The following GRIP1 variants were observed in gnomAD, a reference collection of about 807,000 sequenced individuals.
GRIP1 encodes the protein glutamate receptor interacting protein 1, also known as glutamate receptor-interacting protein 1.
A neutral mutation model predicts 129.9 loss-of-function variants in GRIP1; 45 were observed. The observed-to-expected ratio is 0.35, with a 90% CI of 0.27 to 0.44. The LOEUF (loss-of-function observed/expected upper bound fraction) is 0.44, where lower values mean the gene tolerates loss of function less well. Among genes scored for constraint, GRIP1 ranks in the 20% least tolerant of loss-of-function variants. The pLI, the probability that GRIP1 is intolerant of heterozygous loss-of-function variation, is 1.00. For missense variants in GRIP1, 1,196 were observed against 1,396.8 expected, an observed-to-expected ratio of 0.86 and a Z score of 2.29; for synonymous variants, 530 against 520.8, an observed-to-expected ratio of 1.02 and a Z score of -0.24.
At chr12:66,637,868 A>G (rs1375024786) in intron 1 of GRIP1, among the ~76,000 whole-genome samples, 1 of 152,214 alleles carries the variant, frequency 6.6e-6, no homozygotes, top group Non-Finnish European at 1.5e-5. Context: ...ACAGATAACT[A>G]AGCAAGCAAA....
chr12:66,917,889 T>C (rs2041151254), intron 1 of GRIP1, among the ~76,000 whole-genome samples: 1 of 151,756 alleles, frequency 6.6e-6, no homozygotes, highest in African/African-American at 2.4e-5. Context: ...GAACCAAAAC[T>C]ACTGAGTCCT....
intron 16 of GRIP1, among the ~76,000 whole-genome samples, chr12:66,395,399 A>G (rs1259113123): frequency 6.6e-6 from 1 of 152,200 alleles, no homozygotes; most frequent in Non-Finnish European, 1.5e-5. Context: ...GTCAGACTAC[A>G]TCCTAGTGAA....
chr12:67,056,011 G>C (rs1472805388), intron 1 of GRIP1, among the ~76,000 whole-genome samples: 1 of 152,170 alleles, frequency 6.6e-6, no homozygotes, highest in Non-Finnish European at 1.5e-5. Context: ...AAGAAGGTGA[G>C]GGGGAAGTTA....
chr12:66,562,673 T>C (rs1436058765), intron 2 of GRIP1, among the ~76,000 whole-genome samples: 2 of 152,132 alleles, frequency 1.3e-5, no homozygotes, highest in South Asian at 2.1e-4. Context: ...TCTGGCATTA[T>C]GTATCTTTGT....
chr12:66,664,105 A>ATT (rs199723782), intron 1 of GRIP1, among the ~76,000 whole-genome samples: 30 of 146,484 alleles, frequency 2.0e-4, no homozygotes, highest in South Asian at 6.5e-4. Context: ...GGGAGATTAC[A>ATT]TTTTTTTTTT....
intron 1 of GRIP1, among the ~76,000 whole-genome samples, chr12:66,856,285 G>A (rs1261841368): frequency 2.6e-5 from 4 of 151,980 alleles, no homozygotes; most frequent in South Asian, 2.1e-4. Context: ...GAAAACCTAG[G>A]CAATACCATT....
chr12:66,831,667 T>C (rs746451431), intron 1 of GRIP1, among the ~76,000 whole-genome samples: 14 of 152,228 alleles, frequency 9.2e-5, no homozygotes, highest in Non-Finnish European at 1.8e-4. Context: ...ATGGAAATGG[T>C]AGAATCATAT....
At chr12:66,720,398 T>C (rs2036022651) in intron 1 of GRIP1, among the ~76,000 whole-genome samples, 1 of 152,092 alleles carries the variant, frequency 6.6e-6, no homozygotes, top group Admixed American at 6.5e-5. Flanking sequence ...TGGTGACTGC[T>C]GAAGGTTGGG....
chr12:66,873,896 G>GTT (rs996508089), intron 1 of GRIP1, among the ~76,000 whole-genome samples: 1 of 152,064 alleles, frequency 6.6e-6, no homozygotes, highest in Non-Finnish European at 1.5e-5. Context: ...TTGCAGCTGA[G>GTT]TTTTCCCTTG....
chr12:66,467,264 G>A (rs2059312023), intron 7 of GRIP1, among the ~76,000 whole-genome samples: 1 of 152,132 alleles, frequency 6.6e-6, no homozygotes, highest in South Asian at 2.1e-4. Context: ...AGATCCTATG[G>A]TTGATTTGCC....
chr12:66,432,299 T>C (rs1050564981), intron 14 of GRIP1, among the ~76,000 whole-genome samples: 6 of 152,098 alleles, frequency 3.9e-5, no homozygotes, highest in Non-Finnish European at 8.8e-5. Flanking sequence ...ATTAAAACAA[T>C]CCTATATTTT....
intron 1 of GRIP1, among the ~76,000 whole-genome samples, chr12:66,917,779 A>C (rs2041149060): frequency 6.6e-6 from 1 of 152,182 alleles, no homozygotes; most frequent in South Asian, 2.1e-4. Context: ...ATTCTAGAGA[A>C]CATTAAACTG....
intron 1 of GRIP1, among the ~76,000 whole-genome samples, chr12:66,740,295 C>T (rs2036747662): frequency 6.6e-6 from 1 of 152,210 alleles, no homozygotes. Flanking sequence ...TTGCCTTCCT[C>T]AGCTGGATCT....
At chr12:66,860,662 A>G (rs2040095788) in intron 1 of GRIP1, among the ~76,000 whole-genome samples, 2 of 151,932 alleles carry the variant, frequency 1.3e-5, no homozygotes, top group African/African-American at 2.4e-5. Context: ...GGCTCTCAAC[A>G]CCTGCTTTAC....
chr12:66,946,172 G>A (rs1445388071), intron 1 of GRIP1, among the ~76,000 whole-genome samples: 1 of 152,100 alleles, frequency 6.6e-6, no homozygotes, highest in African/African-American at 2.4e-5. Flanking sequence ...CATTCCACCT[G>A]GGTCCCTCAC....
intron 1 of GRIP1, among the ~76,000 whole-genome samples, chr12:66,867,737 T>C (rs1254007033): frequency 6.6e-6 from 1 of 152,162 alleles, no homozygotes; most frequent in Non-Finnish European, 1.5e-5. Flanking sequence ...TAATTAAAAA[T>C]AAATGCACCA....
intron 13 of GRIP1, 49 bp downstream of exon 13, chr12:66,444,535 A>G: frequency 6.8e-7 from 1 of 1,461,868 alleles, no homozygotes; most frequent in Non-Finnish European, 9.6e-7. Context: ...TCTGCCACAT[A>G]ACCAATATAA....
At chr12:67,009,844 C>T (rs192169206) in intron 1 of GRIP1, among the ~76,000 whole-genome samples, 139 of 152,294 alleles carry the variant, frequency 9.1e-4, no homozygotes, top group African/African-American at 3.2e-3. Context: ...GGAGTCCACA[C>T]TGAAGAAATT....
intron 1 of GRIP1, among the ~76,000 whole-genome samples, chr12:66,799,243 T>C (rs2038789187): frequency 6.6e-6 from 1 of 152,018 alleles, no homozygotes; most frequent in African/African-American, 2.4e-5. Flanking sequence ...CCATGGAACA[T>C]GATAGCCAAT....
Sources: gnomAD v4.1 joint callset for allele counts (sites outside exome capture counted in the v4.1 genomes callset) on GRCh38, gnomAD v4.1.1 for gene constraint, MANE v1.5 for transcripts, NCBI Gene and HGNC (gene_info 2026-07-23, HGNC 2026-07-21) for gene names.